RASGRP3: variants seen among roughly 807,000 people sequenced by gnomAD.
The protein encoded by RASGRP3 is RAS guanyl releasing protein 3.
A neutral mutation model predicts 82.7 loss-of-function variants in RASGRP3; 54 were observed. That is an observed-to-expected ratio of 0.65 (90% CI 0.52 to 0.82). RASGRP3 has a LOEUF of 0.82. RASGRP3 is among the 40% of genes least tolerant of loss of function. The pLI is 0.00. For synonymous variants in RASGRP3, 309 were observed against 300.5 expected, an observed-to-expected ratio of 1.03 and a Z score of -0.29; for missense variants, 861 against 828.9, an observed-to-expected ratio of 1.04 and a Z score of -0.48.
chr2:33,440,843 A>G (rs1665185538), intron 1 of RASGRP3, among the ~76,000 whole-genome samples: 3 of 152,112 alleles, frequency 2.0e-5, no homozygotes, highest in South Asian at 4.2e-4. Flanking sequence ...ATACAATACA[A>G]TTTTATTAAA....
chr2:33,536,158 C>T (rs766395263), intron 11 of RASGRP3, among the ~76,000 whole-genome samples: 41 of 151,652 alleles, frequency 2.7e-4, no homozygotes, highest in Admixed American at 3.9e-4. Context: ...AAAAATTAGC[C>T]GGGCATGCTA....
At chr2:33,438,392 G>A (rs1448651660) in intron 1 of RASGRP3, among the ~76,000 whole-genome samples, 4 of 151,942 alleles carry the variant, frequency 2.6e-5, no homozygotes, top group African/African-American at 4.8e-5. Context: ...GTGAAACCCC[G>A]TCTCTACTAA....
At chr2:33,501,789 G>A (rs545881503) in intron 1 of RASGRP3, among the ~76,000 whole-genome samples, 1 of 152,312 alleles carries the variant, frequency 6.6e-6, no homozygotes, top group Admixed American at 6.5e-5. Flanking sequence ...AAAGGAGTCT[G>A]CAGATGAGAC....
chr2:33,535,633 A>G (rs868539907), intron 11 of RASGRP3, among the ~76,000 whole-genome samples: 89 of 152,224 alleles, frequency 5.8e-4, no homozygotes, highest in African/African-American at 2.1e-3. Flanking sequence ...AAAATAGTGC[A>G]TATGCTTCCA....
intron 13 of RASGRP3, among the ~76,000 whole-genome samples, chr2:33,547,342 C>CTTTTTTTTTTTTTTTTTTTTTTTTTT (rs59601670): frequency 1.5e-4 from 10 of 68,208 alleles, no homozygotes; most frequent in South Asian, 8.4e-4. Context: ...ATATAGAATC[C>CTTTTTTTTTTTTTTTTTTTTTTTTTT]TTTTTTTTTT....
intron 1 of RASGRP3, among the ~76,000 whole-genome samples, chr2:33,495,595 A>G (rs1206546537): frequency 1.3e-5 from 2 of 152,202 alleles, no homozygotes; most frequent in Admixed American, 6.5e-5. Context: ...TGAATTAGGA[A>G]TAAGAAAAAT....
rs889177695 is a variant in RASGRP3 at position 33,558,248 on chromosome 2, C to T, written c.1617C>T (p.Leu539=). Reference sequence around the variant, plus strand: ...ATTGTCACAAACAGTGCAAAGACCTCCTGGTTCTGGCCTGCAGGAGATTTG... The same window carrying T: ...ATTGTCACAAACAGTGCAAAGACCTTCTGGTTCTGGCCTGCAGGAGATTTG... ...GANCHKQCKD[L]LVLACRRFAR... is the part of the protein sequence containing the mutation. Residue 539 remains leucine (L), a synonymous_variant, in exon 16 of 18, where the codon CTC becomes CTT. Coordinates refer to ENST00000403687, the MANE Select transcript of RASGRP3 (RefSeq NM_001139488.2). 1.2e-6 allele frequency: 2 copies of T among 1,612,494 alleles called. No homozygotes were observed. The highest frequency in any genetic ancestry group is 1.7e-5 in the Admixed American group (1 of 59,756).
intron 1 of RASGRP3, among the ~76,000 whole-genome samples, chr2:33,488,305 A>G (rs1388589292): frequency 6.6e-6 from 1 of 152,240 alleles, no homozygotes; most frequent in Non-Finnish European, 1.5e-5. Context: ...TTTTGCCAGT[A>G]ACTGACAGAG....
intron 1 of RASGRP3, among the ~76,000 whole-genome samples, chr2:33,503,225 T>C (rs1670046737): frequency 6.6e-6 from 1 of 152,210 alleles, no homozygotes; most frequent in African/African-American, 2.4e-5. Context: ...TTTTTTTTGT[T>C]CTGATAAGGA....
chr2:33,467,253 T>C (rs976357561), intron 2 of RASGRP3, among the ~76,000 whole-genome samples: 7 of 152,188 alleles, frequency 4.6e-5, no homozygotes, highest in Non-Finnish European at 1.0e-4. Context: ...GTTTGTTTGA[T>C]TCAGGAGCTT....
At chr2:33,457,470 T>G (rs1294043012) in intron 2 of RASGRP3, among the ~76,000 whole-genome samples, 1 of 152,238 alleles carries the variant, frequency 6.6e-6, no homozygotes, top group Non-Finnish European at 1.5e-5. Flanking sequence ...AAGACCATCT[T>G]TCCATTACAT....
At chr2:33,439,270 G>A (rs1377169448) in intron 1 of RASGRP3, among the ~76,000 whole-genome samples, 1 of 152,190 alleles carries the variant, frequency 6.6e-6, no homozygotes, top group African/African-American at 2.4e-5. Context: ...TGTATGTGGA[G>A]CCAAATTAAT....
At chr2:33,468,891 TA>T (rs1202095531) in intron 2 of RASGRP3, among the ~76,000 whole-genome samples, 1 of 152,224 alleles carries the variant, frequency 6.6e-6, no homozygotes, top group Non-Finnish European at 1.5e-5. Context: ...ACTGCTGAGT[TA>T]AAGGGTATTC....
At chr2:33,467,504 T>A (rs1028144878) in intron 2 of RASGRP3, among the ~76,000 whole-genome samples, 2 of 152,194 alleles carry the variant, frequency 1.3e-5, no homozygotes, top group African/African-American at 2.4e-5. Context: ...GAAAAAGAGA[T>A]TGCACAAGAT....
At chr2:33,535,293 A>C (rs1010055342) in intron 11 of RASGRP3, among the ~76,000 whole-genome samples, 1 of 152,222 alleles carries the variant, frequency 6.6e-6, no homozygotes, top group African/African-American at 2.4e-5. Context: ...TAGTGGATGG[A>C]CTATATTTTA....
chr2:33,448,577 T>C (rs1232882121), intron 2 of RASGRP3, among the ~76,000 whole-genome samples: 2 of 152,194 alleles, frequency 1.3e-5, no homozygotes, highest in South Asian at 2.1e-4. Flanking sequence ...AGAACAAATA[T>C]TATATGATTC....
intron 13 of RASGRP3, among the ~76,000 whole-genome samples, chr2:33,545,178 A>G (rs1318624318): frequency 1.3e-5 from 2 of 152,320 alleles, no homozygotes; most frequent in East Asian, 3.9e-4. Context: ...CTCTATCTCT[A>G]TATCATCCTT....
At chr2:33,476,440 CAA>C (rs1667379150), upstream of RASGRP3, 1 of 152,164 alleles carries the variant, frequency 6.6e-6, no homozygotes, top group Non-Finnish European at 1.5e-5. Context: ...TAAAGGAAAA[CAA>C]ATTGTGGAAT....
intron 13 of RASGRP3, among the ~76,000 whole-genome samples, chr2:33,547,722 CTT>C (rs1674939098): frequency 6.6e-6 from 1 of 152,056 alleles, no homozygotes; most frequent in Non-Finnish European, 1.5e-5. Flanking sequence ...GGTGGGAACT[CTT>C]AGAGGGAGGT....
Sources: gnomAD v4.1 joint callset for allele counts (sites outside exome capture counted in the v4.1 genomes callset) on GRCh38, gnomAD v4.1.1 for gene constraint, MANE v1.5 for transcripts, NCBI Gene and HGNC (gene_info 2026-07-23, HGNC 2026-07-21) for gene names.